CHIC2: variants seen among roughly 807,000 people sequenced by gnomAD.
The protein encoded by CHIC2 is cysteine-rich hydrophobic domain-containing protein 2.
CHIC2 carries 14 observed loss-of-function variants against 25.9 expected under a neutral mutation model. The observed-to-expected ratio is 0.54, with a 90% CI of 0.36 to 0.85. CHIC2 has a LOEUF of 0.85. CHIC2 is among the 40% of genes least tolerant of loss of function. The pLI, the probability that CHIC2 is intolerant of heterozygous loss-of-function variation, is 0.01. For synonymous variants in CHIC2, 70 were observed against 72.0 expected (o/e 0.97, Z 0.14); for missense variants, 146 against 202.0 (o/e 0.72, Z 1.68).
intron 1 of CHIC2, among the ~76,000 whole-genome samples, chr4:54,057,856 TTC>T (rs1178149366): frequency 6.6e-6 from 1 of 152,208 alleles, no homozygotes; most frequent in African/African-American, 2.4e-5. Context: ...CAGGATGAAC[TTC>T]TCTTACTTTA....
intron 3 of CHIC2, among the ~76,000 whole-genome samples, chr4:54,015,555 T>A (rs912753265): frequency 2.6e-5 from 4 of 152,118 alleles, no homozygotes; most frequent in African/African-American, 9.7e-5. Flanking sequence ...GGTCGTTTTG[T>A]CCCTTGTCTA....
At chr4:54,063,580 T>C (rs1330450249) in intron 1 of CHIC2, among the ~76,000 whole-genome samples, 1 of 152,108 alleles carries the variant, frequency 6.6e-6, no homozygotes, top group East Asian at 1.9e-4. Context: ...ACGTAGTTGT[T>C]GTTGTTGTTG....
the CHIC2 span, among the ~76,000 whole-genome samples, chr4:54,074,501 C>T: frequency 6.6e-6 from 1 of 151,980 alleles, no homozygotes; most frequent in East Asian, 1.9e-4. Context: ...GGCCTTCTCA[C>T]TTAATTGAGA....
the CHIC2 span, among the ~76,000 whole-genome samples, chr4:54,080,942 G>GTA: frequency 0.04 from 4,058 of 100,350 alleles, 77 homozygotes; most frequent in East Asian, 0.064. Context: ...ATGTGTGTGT[G>GTA]TATATATATA....
At chr4:54,037,415 T>C (rs1384540065) in intron 3 of CHIC2, among the ~76,000 whole-genome samples, 1 of 152,078 alleles carries the variant, frequency 6.6e-6, no homozygotes, top group African/African-American at 2.4e-5. Flanking sequence ...TATGATTTCA[T>C]TTAGATAAAA....
intron 3 of CHIC2, among the ~76,000 whole-genome samples, chr4:54,026,453 G>A (rs924673694): frequency 2.6e-5 from 4 of 152,162 alleles, no homozygotes; most frequent in Non-Finnish European, 4.4e-5. Flanking sequence ...CCGGGAGGTG[G>A]AGGTTGCAGT....
intron 1 of CHIC2, among the ~76,000 whole-genome samples, chr4:54,063,293 TGA>T (rs1202846869): frequency 6.6e-6 from 1 of 152,160 alleles, no homozygotes. Context: ...AGATCTAAAA[TGA>T]GAGAGTATCA....
At chr4:54,029,329 A>C (rs1231102640) in intron 3 of CHIC2, among the ~76,000 whole-genome samples, 3 of 152,182 alleles carry the variant, frequency 2.0e-5, no homozygotes, top group South Asian at 2.1e-4. Context: ...TCCTCTGCAC[A>C]AGAAAGATCA....
intron 3 of CHIC2, among the ~76,000 whole-genome samples, chr4:54,033,132 G>T (rs1371100241): frequency 6.6e-6 from 1 of 152,194 alleles, no homozygotes; most frequent in African/African-American, 2.4e-5. Flanking sequence ...TGTACAGCCT[G>T]TAGAACCATG....
chr4:54,078,099 ATG>A, the CHIC2 span, among the ~76,000 whole-genome samples: 1 of 152,242 alleles, frequency 6.6e-6, no homozygotes. Context: ...TGTGTCTCAC[ATG>A]TGGGATTCTA....
chr4:54,013,683 GAA>G (rs1382852312), intron 5 of CHIC2, among the ~76,000 whole-genome samples, 152 bp downstream of exon 5: 2 of 152,216 alleles, frequency 1.3e-5, no homozygotes, highest in East Asian at 3.9e-4. Flanking sequence ...TCTTGCACAT[GAA>G]ACCATGCATC....
intron 3 of CHIC2, 101 bp from the exon 4 acceptor site, chr4:54,014,220 A>G: frequency 2.2e-6 from 2 of 896,776 alleles, no homozygotes; most frequent in Middle Eastern, 2.2e-4. Context: ...TAAGACAGTG[A>G]CTGAGTATAG....
At chr4:54,042,942 C>A (rs892699491) in intron 3 of CHIC2, among the ~76,000 whole-genome samples, 1 of 152,144 alleles carries the variant, frequency 6.6e-6, no homozygotes, top group Non-Finnish European at 1.5e-5. Flanking sequence ...AGAATTTGAT[C>A]ATCCATACTT....
intron 3 of CHIC2, among the ~76,000 whole-genome samples, chr4:54,045,841 G>A (rs1182708960): frequency 6.6e-6 from 1 of 151,482 alleles, no homozygotes; most frequent in African/African-American, 2.4e-5. Context: ...ATTCAATTAG[G>A]AAAAGAGGAA....
upstream of CHIC2, chr4:54,064,829 C>G (rs1460024207): frequency 9.4e-6 from 2 of 212,746 alleles, no homozygotes; most frequent in Non-Finnish European, 1.6e-5. The surrounding 1 kb of genome is among the most constrained non-coding windows in gnomAD (Gnocchi z 4.2). Context: ...CGCCGGCGGG[C>G]CCCCCTCCGC....
upstream of CHIC2, among the ~76,000 whole-genome samples, chr4:54,068,222 C>T (rs1717556215): frequency 1.3e-5 from 2 of 152,144 alleles, no homozygotes; most frequent in African/African-American, 2.4e-5. Flanking sequence ...TGAATGTTTA[C>T]ATCCCCCCAA....
At chr4:54,014,557 CAAT>C (rs1441513651) in intron 3 of CHIC2, among the ~76,000 whole-genome samples, 1 of 151,986 alleles carries the variant, frequency 6.6e-6, no homozygotes. Context: ...TTAAAAAAAT[CAAT>C]GAGTTATAAA....
At chr4:54,012,986 T>C (rs751361730) in intron 5 of CHIC2, among the ~76,000 whole-genome samples, 1 of 152,090 alleles carries the variant, frequency 6.6e-6, no homozygotes, top group Non-Finnish European at 1.5e-5. Flanking sequence ...ATGGCTATAT[T>C]GTTTTAAAGA....
the CHIC2 span, among the ~76,000 whole-genome samples, chr4:54,072,020 T>C: frequency 1.8e-4 from 27 of 146,122 alleles, no homozygotes; most frequent in Middle Eastern, 4.3e-3. Flanking sequence ...TTAGGCTGGG[T>C]GCGGTGGCTC....
Sources: gnomAD v4.1 joint callset for allele counts (sites outside exome capture counted in the v4.1 genomes callset) on GRCh38, gnomAD v4.1.1 for gene constraint, Gnocchi (gnomAD v3.1) non-coding constraint, MANE v1.5 for transcripts, NCBI Gene and HGNC (gene_info 2026-07-23, HGNC 2026-07-21) for gene names.